The following ACTN4 variants were observed in gnomAD, a reference collection of about 807,000 sequenced individuals.
ACTN4 encodes actinin alpha 4, also known as alpha-actinin-4.
A neutral mutation model predicts 114.2 loss-of-function variants in ACTN4; 18 were observed. The observed-to-expected ratio is 0.16, with a 90% confidence interval of 0.11 to 0.23. ACTN4 has a LOEUF of 0.23. Ranked by LOEUF, ACTN4 falls within the 10% of genes least tolerant of loss-of-function variation. The pLI is 1.00. For missense variants in ACTN4, 722 were observed against 1,262.9 expected, an observed-to-expected ratio of 0.57 and a Z score of 6.49; for synonymous variants, 515 against 506.3, an observed-to-expected ratio of 1.02 and a Z score of -0.23.
At chr19:38,673,477 ATATATATATTC>A (rs1967206693) in intron 1 of ACTN4, among the ~76,000 whole-genome samples, 1 of 57,110 alleles carries the variant, frequency 1.8e-5, no homozygotes, top group Admixed American at 1.8e-4. Flanking sequence ...ATATATATTT[ATATATATATTC>A]ATATATATTT....
rs1357654160 is a variant in ACTN4 at position 38,688,385 on chromosome 19, T to G, written c.163-12215T>G. Among the ~76,000 whole-genome samples the G allele has an allele frequency of 8.6e-5, 7 of 81,088 alleles. No individual in the cohort carries two copies. The East Asian group carries it at 2.4e-3, about 28-fold the overall frequency. 53.2% of individuals were successfully genotyped at this position (81,088 alleles called of 152,430 possible). On this transcript the variant is annotated intron_variant, in intron 1 of 20. Coordinates refer to ENST00000252699, the MANE Select transcript of ACTN4 (RefSeq NM_004924.6). ...CAAACATGGTGAATGAAACCTTGTC[T>G]CTACCAAAAAAAAAAAAAAAAAAAA...
At chr19:38,694,452 G>A (rs1968027665) in intron 1 of ACTN4, among the ~76,000 whole-genome samples, 1 of 152,012 alleles carries the variant, frequency 6.6e-6, no homozygotes, top group South Asian at 2.1e-4. Context: ...TAGAGACGAG[G>A]TTTCACCATG....
intron 11 of ACTN4, among the ~76,000 whole-genome samples, chr19:38,718,812 C>T (rs1968934130): frequency 6.6e-6 from 1 of 152,234 alleles, no homozygotes; most frequent in Non-Finnish European, 1.5e-5. Context: ...CGGCTTCCCT[C>T]TCCCACACCT....
Position 38,717,453 on chromosome 19 carries a change from G to T in ACTN4, c.1143+137G>T, listed in dbSNP as rs118143526. The T allele has an allele frequency of 4.2e-5, 51 of 1,223,354 alleles. No individual in the cohort carries two copies. The East Asian group carries it at 1.3e-3, about 31-fold the overall frequency. The allele number at this position is 1,223,354 out of a possible 1,614,324, so 75.8% of individuals were successfully genotyped here. A position where few individuals can be genotyped will look rare whatever the true frequency, so the allele number is the denominator to read the frequency against. On this transcript the variant is annotated intron_variant, in intron 10 of 20. Coordinates refer to ENST00000252699, the MANE Select transcript of ACTN4 (RefSeq NM_004924.6). This position sits in a 1 kb window ranked among gnomAD's most constrained non-coding sequence, Gnocchi z 4.0. ...GACATGGCATGGCCTTTCGGATGCAGTGGTCGGGGAGGGGTGCACTTCACT... is the reference window on the plus strand; with the variant it reads ...GACATGGCATGGCCTTTCGGATGCATTGGTCGGGGAGGGGTGCACTTCACT...
intron 16 of ACTN4, among the ~76,000 whole-genome samples, chr19:38,725,341 A>G (rs1350498897): frequency 6.6e-6 from 1 of 152,194 alleles, no homozygotes; most frequent in Non-Finnish European, 1.5e-5. Context: ...CAGGAGCTGC[A>G]GCCAGGCCAG....
intron 11 of ACTN4, 141 bp downstream of exon 11, chr19:38,718,215 C>T: frequency 7.2e-7 from 1 of 1,397,656 alleles, no homozygotes; most frequent in Non-Finnish European, 9.8e-7. Context: ...TGCTTGGGAG[C>T]ATGTGTGTGT....
In ACTN4 at chr19:38,731,347, TC is replaced by T; in HGVS notation, c.*1918del. On this transcript the variant is annotated 3_prime_UTR_variant, in exon 21 of 21. Coordinates refer to ENST00000252699, the MANE Select transcript of ACTN4 (RefSeq NM_004924.6). ...GGTGTCACACCCCAACTCTGCCCCA[TC>T]CCGGCAGGGTGAGTACAGGCTGATC... 1.4e-6 allele frequency: 1 copy of T among 727,916 alleles called. No homozygotes were observed. The highest frequency in any genetic ancestry group is 2.4e-6 in the Non-Finnish European group (1 of 413,560). 45.1% of individuals were successfully genotyped at this position (727,916 alleles called of 1,614,324 possible). A position where few individuals can be genotyped will look rare whatever the true frequency, so the allele number is the denominator to read the frequency against.
rs768747977 is a variant in ACTN4 at position 38,730,194 on chromosome 19, G to T, written c.*762G>T. 3.2e-5 allele frequency: 5 copies of T among 153,904 alleles called. No homozygotes were observed. Among genetic ancestry groups the T allele is most frequent in the East Asian group, 1.9e-4 (1 of 5,134 alleles). The allele number at this position is 153,904 out of a possible 1,614,324, so 9.5% of individuals were successfully genotyped here. On this transcript the variant is annotated 3_prime_UTR_variant, in exon 21 of 21. Coordinates refer to ENST00000252699, the MANE Select transcript of ACTN4 (RefSeq NM_004924.6). The stretch of plus-strand genomic sequence containing the variant: ...AAAGAAAGAATTAAAAACTTTCAGA[G>T]AATTACTATTTACTTTATTAACTTA...
intron 1 of ACTN4, among the ~76,000 whole-genome samples, chr19:38,687,160 G>A (rs1967773101): frequency 6.6e-6 from 1 of 151,830 alleles, no homozygotes. Flanking sequence ...GAGACGGCTG[G>A]TCTCTACTAA....
At position 38,724,458 on chromosome 19, in the gene ACTN4, C is replaced by G. The variant is rs748496051; in HGVS notation, c.1903C>G (p.His635Asp). 1.9e-6 allele frequency: 3 copies of G among 1,613,560 alleles called. No homozygotes were observed. Among genetic ancestry groups the G allele is most frequent in the Non-Finnish European group, 2.5e-6 (3 of 1,179,988 alleles). Residue 635 changes from histidine to aspartate, a missense_variant, in exon 16 of 21, where the codon CAT becomes GAT. Transcript: ENST00000252699. The surrounding 1 kb of genome is among the most constrained non-coding windows in gnomAD (Gnocchi z 7.0). ...GCAGCAGCTGGTGCCAAAACGGGAC[C>G]ATGCCCTCCTGGAGGAGCAGAGCAA... Reference protein sequence around the residue: ...KVQQLVPKRDHALLEEQSKQQ... With the variant: ...KVQQLVPKRDDALLEEQSKQQ...
intron 1 of ACTN4, among the ~76,000 whole-genome samples, chr19:38,662,351 G>A (rs1199147777): frequency 6.6e-6 from 1 of 152,156 alleles, no homozygotes; most frequent in Admixed American, 6.5e-5. Flanking sequence ...AGTGAACATG[G>A]GCTGGGATTC....
chr19:38,674,648 G>A (rs986169057), intron 1 of ACTN4, among the ~76,000 whole-genome samples: 2 of 152,162 alleles, frequency 1.3e-5, no homozygotes, highest in Admixed American at 6.5e-5. Flanking sequence ...GAGAGGTGAC[G>A]TGACTTGCCC....
At position 38,707,512 on chromosome 19, in the gene ACTN4, G is replaced by A. The variant is rs141599452; in HGVS notation, c.573-605G>A. ...GAACCAACCCTTAGAGGGTCTCAGGGAGGAGAATGTGACCCATATAGCTTG... is the reference window on the plus strand; with the variant it reads ...GAACCAACCCTTAGAGGGTCTCAGGAAGGAGAATGTGACCCATATAGCTTG... On this transcript the variant is annotated intron_variant, in intron 5 of 20. Coordinates refer to ENST00000252699, the MANE Select transcript of ACTN4 (RefSeq NM_004924.6). 2.2e-4 allele frequency among the ~76,000 whole-genome samples: 34 copies of A among 152,258 alleles called. No individual in the cohort carries two copies. In the East Asian group the frequency reaches 6.2e-3, roughly 28 times the overall value.
intron 1 of ACTN4, among the ~76,000 whole-genome samples, chr19:38,666,959 C>T (rs7246368): frequency 0.059 from 8,959 of 152,200 alleles, 293 homozygotes; most frequent in South Asian, 0.12. Flanking sequence ...GGAGAAAGAA[C>T]TGAGTCTAGG....
At position 38,729,470 on chromosome 19, in the gene ACTN4, CAG is replaced by C. The variant is rs779036502; in HGVS notation, c.*39_*40del. 12 of 1,599,546 alleles carry C rather than the reference CAG, an allele frequency of 7.5e-6. No individual in the cohort carries two copies. Among genetic ancestry groups the C allele is most frequent in the Non-Finnish European group, 1.0e-5 (12 of 1,174,570 alleles). ...CTGACCCAACACCCCCGACGGCCTCCAGGAGGGGCCTGGGCAGCCCCACAGTC... is the reference window on the plus strand; with the variant it reads ...CTGACCCAACACCCCCGACGGCCTCCGAGGGGCCTGGGCAGCCCCACAGTC... On this transcript the variant is annotated 3_prime_UTR_variant, in exon 21 of 21. Coordinates refer to ENST00000252699, the MANE Select transcript of ACTN4 (RefSeq NM_004924.6).
chr19:38,685,855 C>T (rs1967725400), intron 1 of ACTN4, among the ~76,000 whole-genome samples: 1 of 152,162 alleles, frequency 6.6e-6, no homozygotes, highest in African/African-American at 2.4e-5. Flanking sequence ...GGAAAAGGAT[C>T]ACCAAGCAGG....
chr19:38,682,020 G>A (rs1000348394), intron 1 of ACTN4, among the ~76,000 whole-genome samples: 2 of 152,054 alleles, frequency 1.3e-5, no homozygotes, highest in Admixed American at 1.3e-4. Flanking sequence ...TAGTAGAGAC[G>A]GGGTTTTGCC....
At chr19:38,673,342 A>AT (rs1032019769) in intron 1 of ACTN4, among the ~76,000 whole-genome samples, 5 of 150,112 alleles carry the variant, frequency 3.3e-5, no homozygotes, top group African/African-American at 1.2e-4. Flanking sequence ...TCTTGTCCTC[A>AT]TGGAGCACAC....
At chr19:38,710,137 C>G in intron 7 of ACTN4, 120 bp from the exon 8 acceptor site, 1 of 1,016,754 alleles carries the variant, frequency 9.8e-7, no homozygotes, top group Non-Finnish European at 1.5e-6. Flanking sequence ...CCAAGTCACG[C>G]GTCACTCTGC....
Sources: allele counts gnomAD v4.1 joint callset (sites outside exome capture counted in the v4.1 genomes callset), GRCh38; gene constraint gnomAD v4.1.1; non-coding constraint Gnocchi (gnomAD v3.1); transcripts MANE v1.5; gene names NCBI Gene and HGNC (gene_info 2026-07-23, HGNC 2026-07-21).